ZXDC: variants seen among roughly 807,000 people sequenced by gnomAD.
ZXDC encodes the protein zinc finger protein ZXDC.
Under a neutral mutation model 63.6 loss-of-function variants are expected in ZXDC, and 58 were observed. The observed-to-expected ratio is 0.91, with a 90% CI of 0.74 to 1.13. The LOEUF (loss-of-function observed/expected upper bound fraction) is 1.13, where lower values mean the gene tolerates loss of function less well. Ranked by LOEUF, ZXDC falls within the 50% of genes most tolerant of loss-of-function variation. The pLI is 0.00. For missense variants in ZXDC, 1,133 were observed against 1,148.9 expected, an observed-to-expected ratio of 0.99 and a Z score of 0.20; for synonymous variants, 561 against 496.1, an observed-to-expected ratio of 1.13 and a Z score of -1.74.
Position 126,475,363 on chromosome 3 carries a change from G to C in ZXDC, c.503C>G (p.Ser168Cys). ...AAAPRRAPQA[S>C]GPSTPGYRCP... is the part of the protein sequence containing the mutation. ...GCGGTAGCCGGGCGTGCTGGGGCCG[G>C]AGGCCTGGGGCGCGCGGCGGGGAGC... is the stretch of plus-strand genomic sequence containing the variant. The change falls in exon 1 of 10, where the codon TCC becomes TGC. Residue 168 changes from serine (S) to cysteine (C), a missense_variant. Ser to Cys is a moderately radical substitution (Grantham distance 112). Transcript: ENST00000389709. 1.6e-6 allele frequency: 2 copies of C among 1,275,608 alleles called. No individual in the cohort carries two copies. Among genetic ancestry groups the C allele is most frequent in the Non-Finnish European group, 2.0e-6 (2 of 1,009,214 alleles). 79.0% of individuals were successfully genotyped at this position (1,275,608 alleles called of 1,614,324 possible).
At chr3:126,453,462 A>G in intron 7 of ZXDC, 2 of 985,492 alleles carry the variant, frequency 2.0e-6, no homozygotes, top group African/African-American at 3.5e-5. Flanking sequence ...ACTTGCATTT[A>G]GTTTTGGCTA....
chr3:126,456,481 G>A (rs545162153), intron 7 of ZXDC, among the ~76,000 whole-genome samples: 1 of 152,336 alleles, frequency 6.6e-6, no homozygotes, highest in African/African-American at 2.4e-5. Context: ...TTCCCTGGGG[G>A]GCAATGGTCT....
At position 126,461,927 on chromosome 3, in the gene ZXDC, C is replaced by T. The variant is rs964840059; in HGVS notation, c.1735G>A (p.Asp579Asn). The T allele has an allele frequency of 1.9e-6, 3 of 1,614,024 alleles. No individual in the cohort carries two copies. In the African/African-American group the frequency reaches 4.0e-5, roughly 22 times the overall value. ...VAHSDIPPSLDSPLVLGTAAT... is the reference protein window; with the variant it reads ...VAHSDIPPSLNSPLVLGTAAT... Reference sequence around the variant, plus strand: ...GCTGTCCCGAGAACCAGAGGGCTGTCCAGGCTTGGGGGAATATCACTGTGG... The same window carrying T: ...GCTGTCCCGAGAACCAGAGGGCTGTTCAGGCTTGGGGGAATATCACTGTGG... Residue 579 changes from aspartate to asparagine, a missense_variant, in exon 6 of 10, where the codon GAC (aspartate) becomes AAC (asparagine). By Grantham distance (23) the Asp-to-Asn change is conservative. Coordinates refer to ENST00000389709, the MANE Select transcript of ZXDC (RefSeq NM_025112.5).
chr3:126,469,097 C>A (rs573920019), intron 4 of ZXDC, among the ~76,000 whole-genome samples: 2 of 152,184 alleles, frequency 1.3e-5, no homozygotes, highest in South Asian at 4.1e-4. Flanking sequence ...GGAAGAGGCA[C>A]AGAGAGCTTC....
chr3:126,455,206 G>T, intron 7 of ZXDC: 2 of 434,262 alleles, frequency 4.6e-6, no homozygotes, highest in Non-Finnish European at 6.1e-6. Flanking sequence ...TAACTGACCT[G>T]AACTGATGTA....
rs1934560189 is a variant in ZXDC at position 126,461,857 on chromosome 3, T to C, written c.1805A>G (p.Gln602Arg). The change falls in exon 6 of 10, where the codon CAG becomes CGG. Residue 602 changes from glutamine to arginine, a missense_variant. By Grantham distance (43) the Gln-to-Arg change is conservative (BLOSUM62 1). Transcript: ENST00000389709. The part of the protein sequence containing the change: ...QQGSFSVDDV[Q>R]TVSAGALGCL... ...GCCTAATGCTCCTGCACTCACAGTC[T>C]GCACGTCATCCACACTGAAGCTGCC... is the stretch of plus-strand genomic sequence containing the variant. 1 of 1,614,198 alleles carries C rather than the reference T, an allele frequency of 6.2e-7. No individual in the cohort carries two copies. Among genetic ancestry groups the C allele is most frequent in the Middle Eastern group, 1.6e-4 (1 of 6,062 alleles).
chr3:126,475,816 T>C lies in ZXDC; in HGVS notation c.50A>G (p.His17Arg). The C allele has an allele frequency of 9.2e-7, 1 of 1,081,802 alleles. No homozygotes were observed. Among genetic ancestry groups the C allele is most frequent in the Non-Finnish European group, 1.1e-6 (1 of 893,610 alleles). The allele number at this position is 1,081,802 out of a possible 1,614,324, so 67.0% of individuals were successfully genotyped here. A position where few individuals can be genotyped will look rare whatever the true frequency, so the allele number is the denominator to read the frequency against. The change falls in exon 1 of 10, where the codon CAT becomes CGT. Residue 17 changes from histidine to arginine, a missense_variant. His to Arg is a conservative substitution (Grantham distance 29). Coordinates refer to ENST00000389709, the MANE Select transcript of ZXDC (RefSeq NM_025112.5). ...GCGGAGCGGGCCGGGGCCGCCGCCA[T>C]GTTGCCCTCCGCGCGCAGTCGGGGC... is the stretch of plus-strand genomic sequence containing the variant. ...LPAPTARGGQHGGGPGPLRRA... is the reference protein window; with the variant it reads ...LPAPTARGGQRGGGPGPLRRA...
At chr3:126,467,036 G>A (rs1282488517) in intron 4 of ZXDC, among the ~76,000 whole-genome samples, 1 of 152,172 alleles carries the variant, frequency 6.6e-6, no homozygotes, top group Admixed American at 6.5e-5. Flanking sequence ...TGACCTGGTA[G>A]GGGCAAATAG....
At chr3:126,444,947 T>C (rs1302509756) in intron 7 of ZXDC, among the ~76,000 whole-genome samples, 1 of 152,256 alleles carries the variant, frequency 6.6e-6, no homozygotes, top group Non-Finnish European at 1.5e-5. Context: ...ACAATTTACT[T>C]GTATTACTTT....
intron 1 of ZXDC, among the ~76,000 whole-genome samples, chr3:126,474,268 G>A (rs1461907799): frequency 6.6e-6 from 1 of 152,176 alleles, no homozygotes; most frequent in African/African-American, 2.4e-5. Context: ...GTTTCACCGT[G>A]TTAGCCAGGA....
chr3:126,463,155 G>A (rs1004233418), intron 5 of ZXDC, among the ~76,000 whole-genome samples: 13 of 151,598 alleles, frequency 8.6e-5, no homozygotes, highest in South Asian at 2.1e-4. Context: ...TGCAAGCTCC[G>A]CCTCCCGGGT....
Position 126,438,208 on chromosome 3 carries a change from TA to T in ZXDC, c.*166del. The T allele has an allele frequency of 1.5e-6, 1 of 656,986 alleles. No homozygotes were observed. The highest frequency in any genetic ancestry group is 2.7e-6 in the Non-Finnish European group (1 of 372,444). The allele number at this position is 656,986 out of a possible 1,614,324, so 40.7% of individuals were successfully genotyped here. A position where few individuals can be genotyped will look rare whatever the true frequency, so the allele number is the denominator to read the frequency against. On this transcript the variant is annotated 3_prime_UTR_variant, in exon 10 of 10. Transcript: ENST00000389709. ...GAGTATAGCCCGAACTCATTCCTGG[TA>T]AAACAAAAGGAAAACATTTTTGATA... is the stretch of plus-strand genomic sequence containing the variant.
At chr3:126,443,273 G>A (rs939238805) in intron 7 of ZXDC, 11 of 152,192 alleles carry the variant, frequency 7.2e-5, no homozygotes, top group Admixed American at 5.2e-4. Flanking sequence ...AGCAACCCTC[G>A]CTCTGGATCA....
At chr3:126,442,237 G>A (rs548533543) in intron 7 of ZXDC, 12 of 212,904 alleles carry the variant, frequency 5.6e-5, no homozygotes, top group East Asian at 1.1e-4. Flanking sequence ...TTGGAGAGCA[G>A]AATCCTCTAA....
At chr3:126,459,511 A>T in intron 7 of ZXDC, 142 bp downstream of exon 7, 2 of 1,494,942 alleles carry the variant, frequency 1.3e-6, no homozygotes, top group East Asian at 4.6e-5. Flanking sequence ...TTCAAATAAA[A>T]CTAAGGAGTT....
chr3:126,463,271 G>A (rs1236515555), intron 5 of ZXDC, among the ~76,000 whole-genome samples: 1 of 151,942 alleles, frequency 6.6e-6, no homozygotes, highest in African/African-American at 2.4e-5. Flanking sequence ...GGGTTTCACC[G>A]CATTAGCCAG....
At position 126,450,429 on chromosome 3, in the gene ZXDC, A is replaced by C. The variant is rs1237813303; in HGVS notation, c.2213-8483T>G. The C allele has an allele frequency of 1.3e-5, 6 of 456,746 alleles. No homozygotes were observed. In the Admixed American group the frequency reaches 1.4e-4, roughly 11 times the overall value. The allele number at this position is 456,746 out of a possible 1,614,324, so 28.3% of individuals were successfully genotyped here. On this transcript the variant is annotated intron_variant, in intron 7 of 9. Transcript: ENST00000389709. The stretch of plus-strand genomic sequence containing the variant: ...GAGGCCACATCTGCCCCAGGGGTGT[A>C]CACGGGGCCCACAGGGTATGACAAA...
intron 5 of ZXDC, among the ~76,000 whole-genome samples, chr3:126,464,085 C>T (rs1934658582): frequency 2.6e-5 from 4 of 152,212 alleles, no homozygotes; most frequent in Admixed American, 2.6e-4. Context: ...CTCTTGAGGA[C>T]TCAGCTCCCT....
rs1313438096 is a variant in ZXDC at position 126,475,185 on chromosome 3, C to A, written c.681G>T (p.Arg227=). The A allele has an allele frequency of 6.3e-7, 1 of 1,595,446 alleles. No homozygotes were observed. Among genetic ancestry groups the A allele is most frequent in the Admixed American group, 1.7e-5 (1 of 57,490 alleles). Reference sequence around the variant, plus strand: ...GCAGCTTGTCGTGCGACTGCAGGTGCCGCTTGAGCTTGTAGGACGTTGTGA... The same window carrying A: ...GCAGCTTGTCGTGCGACTGCAGGTGACGCTTGAGCTTGTAGGACGTTGTGA... ...WAFTTSYKLK[R]HLQSHDKLRP... The change falls in exon 1 of 10, where the codon CGG becomes CGT. Residue 227 remains arginine, a synonymous_variant. Transcript: ENST00000389709.
Sources: allele counts gnomAD v4.1 joint callset (sites outside exome capture counted in the v4.1 genomes callset), GRCh38; gene constraint gnomAD v4.1.1; transcripts MANE v1.5; gene names NCBI Gene and HGNC (gene_info 2026-07-23, HGNC 2026-07-21).